Variants in MRTFB observed in about 807,000 individuals in gnomAD.
MRTFB encodes myocardin-related transcription factor B.
A neutral mutation model predicts 104.2 loss-of-function variants in MRTFB; 29 were observed. The observed-to-expected ratio is 0.28, with a 90% confidence interval of 0.21 to 0.38. The LOEUF is 0.38. MRTFB is among the 10% of genes least tolerant of loss of function. MRTFB has a pLI of 1.00. For synonymous variants in MRTFB, 535 were observed against 519.5 expected, an observed-to-expected ratio of 1.03 and a Z score of -0.41; for missense variants, 1,270 against 1,341.6, an observed-to-expected ratio of 0.95 and a Z score of 0.83.
At chr16:14,117,470 A>G (rs183426829) in intron 2 of MRTFB, among the ~76,000 whole-genome samples, 164 of 152,294 alleles carry the variant, frequency 1.1e-3, no homozygotes, top group African/African-American at 3.8e-3. Flanking sequence ...AGTTTTAATT[A>G]TATAGTTTTT....
chr16:14,008,189 G>A, the MRTFB span, among the ~76,000 whole-genome samples: 1 of 151,898 alleles, frequency 6.6e-6, no homozygotes, highest in African/African-American at 2.4e-5. Flanking sequence ...AACATAACAA[G>A]ACCCCATCTC....
At chr16:14,202,404 A>G (rs2040747837) in intron 3 of MRTFB, among the ~76,000 whole-genome samples, 1 of 152,210 alleles carries the variant, frequency 6.6e-6, no homozygotes, top group Non-Finnish European at 1.5e-5. Context: ...AAAATGTATT[A>G]TAAAACAGGG....
chr16:14,249,205 C>T, intron 13 of MRTFB, 124 bp downstream of exon 13: 1 of 1,155,588 alleles, frequency 8.7e-7, no homozygotes. Flanking sequence ...TGATCCATCT[C>T]CCATAGAATG....
intron 2 of MRTFB, among the ~76,000 whole-genome samples, chr16:14,117,966 A>G (rs948752713): frequency 1.3e-5 from 2 of 152,166 alleles, no homozygotes; most frequent in African/African-American, 4.8e-5. Flanking sequence ...AGAAAAACAT[A>G]GAGAATAATA....
chr16:14,108,113 G>C (rs1444278500), intron 2 of MRTFB, among the ~76,000 whole-genome samples: 1 of 152,196 alleles, frequency 6.6e-6, no homozygotes, highest in African/African-American at 2.4e-5. Flanking sequence ...CCTGGCTTCA[G>C]TCTTTAGACC....
intron 10 of MRTFB, among the ~76,000 whole-genome samples, chr16:14,242,645 G>T (rs1303343771): frequency 6.6e-6 from 1 of 152,180 alleles, no homozygotes; most frequent in African/African-American, 2.4e-5. Context: ...AGCCCAGCTT[G>T]TCTGCACAAT....
At chr16:14,127,929 A>ATATT (rs1393344981) in intron 2 of MRTFB, among the ~76,000 whole-genome samples, 83 of 44,578 alleles carry the variant, frequency 1.9e-3, no homozygotes, top group African/African-American at 2.2e-3. Flanking sequence ...ATATATATAT[A>ATATT]TTTTTTTTTT....
intron 13 of MRTFB, among the ~76,000 whole-genome samples, chr16:14,251,376 CAAAAAAAAAAAAAA>C (rs776143724): frequency 2.2e-5 from 1 of 44,708 alleles, no homozygotes; most frequent in Non-Finnish European, 4.8e-5. Context: ...GACTCCGTCT[CAAAAAAAAAAAAAA>C]AAAAAAAAAG....
the MRTFB span, among the ~76,000 whole-genome samples, chr16:14,016,552 C>A: frequency 1.3e-5 from 2 of 152,056 alleles, no homozygotes; most frequent in African/African-American, 4.8e-5. Context: ...GTGGGTGGAT[C>A]ACCTGAGGTC....
the MRTFB span, among the ~76,000 whole-genome samples, chr16:14,008,172 C>A: frequency 1.3e-5 from 2 of 151,948 alleles, no homozygotes; most frequent in Non-Finnish European, 2.9e-5. Flanking sequence ...TCAAGTCCAG[C>A]CTGGGCAACA....
intron 2 of MRTFB, among the ~76,000 whole-genome samples, chr16:14,140,001 C>A (rs973226110): frequency 2.0e-5 from 3 of 152,164 alleles, no homozygotes; most frequent in Non-Finnish European, 4.4e-5. Flanking sequence ...ATAACAACCC[C>A]AAATTTCAGT....
the MRTFB span, among the ~76,000 whole-genome samples, chr16:14,031,540 A>G: frequency 5.4e-3 from 829 of 152,242 alleles, 5 homozygotes; most frequent in Non-Finnish European, 9.4e-3. Context: ...TCCTTTTAGC[A>G]CATAGAAAAT....
intron 2 of MRTFB, among the ~76,000 whole-genome samples, chr16:14,120,359 C>T (rs952005866): frequency 2.0e-5 from 3 of 152,106 alleles, no homozygotes; most frequent in Admixed American, 1.3e-4. Flanking sequence ...TTAATCCCTC[C>T]GTTCTCTAAG....
At chr16:14,239,431 C>T (rs976642509) in intron 9 of MRTFB, among the ~76,000 whole-genome samples, 1 of 152,192 alleles carries the variant, frequency 6.6e-6, no homozygotes, top group African/African-American at 2.4e-5. Flanking sequence ...ATCAATAGCT[C>T]CATTTAATTG....
At chr16:14,037,282 C>T in the MRTFB span, among the ~76,000 whole-genome samples, 1 of 152,192 alleles carries the variant, frequency 6.6e-6, no homozygotes, top group Non-Finnish European at 1.5e-5. Context: ...TGGCATATTG[C>T]TGGCGCTCAA....
intron 12 of MRTFB, chr16:14,248,448 A>G (rs1254618234): frequency 6.6e-6 from 1 of 152,462 alleles, no homozygotes; most frequent in Non-Finnish European, 1.5e-5. Flanking sequence ...TTTTGGTCCA[A>G]ATCTTCCATT....
At chr16:14,200,903 C>G in intron 3 of MRTFB, 1 of 1,450,348 alleles carries the variant, frequency 6.9e-7, no homozygotes, top group Non-Finnish European at 9.7e-7. Flanking sequence ...AAGAATTTAA[C>G]CAGCATGGCT....
At chr16:14,117,459 C>A (rs1207196374) in intron 2 of MRTFB, among the ~76,000 whole-genome samples, 1 of 152,166 alleles carries the variant, frequency 6.6e-6, no homozygotes, top group African/African-American at 2.4e-5. Context: ...GCATTTTTCA[C>A]AGTTTTAATT....
At chr16:14,029,912 G>A in the MRTFB span, among the ~76,000 whole-genome samples, 4 of 151,978 alleles carry the variant, frequency 2.6e-5, no homozygotes, top group Admixed American at 2.0e-4. Context: ...GGGCCCCAGC[G>A]TTCCAGGCTG....
Sources: allele counts gnomAD v4.1 joint callset (sites outside exome capture counted in the v4.1 genomes callset), GRCh38; gene constraint gnomAD v4.1.1; transcripts MANE v1.5; gene names NCBI Gene and HGNC (gene_info 2026-07-23, HGNC 2026-07-21).